The following MAST4 variants were observed in gnomAD, a reference collection of about 807,000 sequenced individuals.
The protein encoded by MAST4 is microtubule associated serine/threonine kinase family member 4, also known as microtubule-associated serine/threonine-protein kinase 4.
A neutral mutation model predicts 162.7 loss-of-function variants in MAST4; 89 were observed. That is an observed-to-expected ratio of 0.55 (90% CI 0.46 to 0.65). The LOEUF (loss-of-function observed/expected upper bound fraction) is 0.65, where lower values mean the gene tolerates loss of function less well. Ranked by LOEUF, MAST4 falls within the 30% of genes least tolerant of loss-of-function variation. MAST4 has a pLI of 0.00. For synonymous variants in MAST4, 1,479 were observed against 1,361.1 expected, an observed-to-expected ratio of 1.09 and a Z score of -1.91; for missense variants, 3,153 against 3,374.0, an observed-to-expected ratio of 0.93 and a Z score of 1.62.
chr5:67,095,707 T>G, intron 7 of MAST4, 32 bp downstream of exon 7: 1 of 1,467,442 alleles, frequency 6.8e-7, no homozygotes, highest in Non-Finnish European at 9.2e-7. Context: ...TTTTTTTCTC[T>G]TCCTCACAAC....
At chr5:66,745,744 G>T (rs1411489132) in intron 1 of MAST4, among the ~76,000 whole-genome samples, 5 of 152,214 alleles carry the variant, frequency 3.3e-5, no homozygotes, top group African/African-American at 1.2e-4. Context: ...AATGGTTGTG[G>T]TTTTGTGTCT....
At chr5:66,890,104 C>T (rs1249554145) in intron 3 of MAST4, among the ~76,000 whole-genome samples, 5 of 152,034 alleles carry the variant, frequency 3.3e-5, no homozygotes, top group African/African-American at 4.8e-5. Flanking sequence ...TTAAAAACGA[C>T]GCAGAAACTT....
intron 1 of MAST4, among the ~76,000 whole-genome samples, chr5:66,649,240 G>T (rs1746057523): frequency 6.6e-6 from 1 of 152,154 alleles, no homozygotes; most frequent in African/African-American, 2.4e-5. Flanking sequence ...TTGAGCTGTT[G>T]AGTTTTGTTA....
intron 3 of MAST4, among the ~76,000 whole-genome samples, chr5:66,883,941 A>C (rs970274462): frequency 1.3e-5 from 2 of 152,164 alleles, no homozygotes; most frequent in Non-Finnish European, 2.9e-5. Flanking sequence ...GCAAGTGTAC[A>C]AAGGGACACT....
intron 4 of MAST4, among the ~76,000 whole-genome samples, chr5:66,912,972 G>T (rs1184563868): frequency 6.6e-6 from 1 of 152,124 alleles, no homozygotes; most frequent in African/African-American, 2.4e-5. Flanking sequence ...AACCCACAGA[G>T]GAATTCAAAA....
intron 3 of MAST4, among the ~76,000 whole-genome samples, chr5:66,818,658 T>C (rs1756847900): frequency 6.6e-6 from 1 of 152,182 alleles, no homozygotes; most frequent in Admixed American, 6.5e-5. Context: ...TTTGGTTTTT[T>C]ATTTGTTTGT....
Position 67,027,537 on chromosome 5 carries a change from A to G in MAST4, c.675-26867A>G, listed in dbSNP as rs552539834. The stretch of plus-strand genomic sequence containing the variant: ...TTGATTCTAACCATAGAACTGCATC[A>G]AAGATGGCAGAGCTTCCTTCTAGTT... On this transcript the variant is annotated intron_variant, in intron 4 of 28. Coordinates refer to ENST00000403625, the MANE Select transcript of MAST4 (RefSeq NM_001164664.2). 4.5e-4 allele frequency among the ~76,000 whole-genome samples: 69 copies of G among 152,340 alleles called. No individual in the cohort carries two copies. In the South Asian group the frequency reaches 0.014, roughly 31 times the overall value.
intron 2 of MAST4, among the ~76,000 whole-genome samples, chr5:66,765,779 G>A (rs904582623): frequency 1.3e-5 from 2 of 152,012 alleles, no homozygotes; most frequent in Admixed American, 1.3e-4. Flanking sequence ...TGATTGAAAT[G>A]TTTGCATTTT....
chr5:67,112,134 G>A (rs1346260436), intron 11 of MAST4, among the ~76,000 whole-genome samples: 2 of 151,810 alleles, frequency 1.3e-5, no homozygotes, highest in Non-Finnish European at 2.9e-5. Context: ...GCCTATTTTG[G>A]GCATTAACCA....
chr5:67,016,076 G>T (rs1220473648), intron 4 of MAST4, among the ~76,000 whole-genome samples: 1 of 152,102 alleles, frequency 6.6e-6, no homozygotes, highest in Non-Finnish European at 1.5e-5. Context: ...AATCTAGTGG[G>T]CTTTAGACAG....
chr5:66,880,749 C>T (rs976242544), intron 3 of MAST4, among the ~76,000 whole-genome samples: 3 of 152,178 alleles, frequency 2.0e-5, no homozygotes, highest in African/African-American at 4.8e-5. Context: ...ACTTATTTTC[C>T]GTGATGCTTT....
chr5:66,796,106 C>A (rs1014798038), intron 3 of MAST4, among the ~76,000 whole-genome samples: 1 of 152,146 alleles, frequency 6.6e-6, no homozygotes, highest in African/African-American at 2.4e-5. Context: ...CTGAGCCCAT[C>A]CACAGAGTAG....
intron 11 of MAST4, among the ~76,000 whole-genome samples, chr5:67,113,023 A>C (rs1463402749): frequency 1.3e-5 from 2 of 152,188 alleles, no homozygotes; most frequent in Non-Finnish European, 2.9e-5. Flanking sequence ...TTCAAAAAAC[A>C]GGGATGAAGG....
At chr5:67,067,331 C>T (rs1348994753) in intron 5 of MAST4, among the ~76,000 whole-genome samples, 2 of 152,160 alleles carry the variant, frequency 1.3e-5, no homozygotes, top group African/African-American at 4.8e-5. Flanking sequence ...GTCTCAACCT[C>T]CTCATCTATC....
In MAST4 at chr5:67,031,552, A is replaced by G. The variant is rs185653847; in HGVS notation, c.675-22852A>G. The stretch of plus-strand genomic sequence containing the variant: ...GATTTGCAAAATTTTTCCCTATCAC[A>G]CTTAAAGTAGAGGTTATTTGCATTC... On this transcript the variant is annotated intron_variant, in intron 4 of 28. Coordinates refer to ENST00000403625, the MANE Select transcript of MAST4 (RefSeq NM_001164664.2). Among the ~76,000 whole-genome samples, 14 of 152,306 alleles carry G rather than the reference A, an allele frequency of 9.2e-5. No homozygotes were observed. In the East Asian group the frequency reaches 2.1e-3, roughly 23 times the overall value.
rs550295412 is a variant in MAST4, at chr5:66,912,788, T to C, written c.674+12806T>C. On this transcript the variant is annotated intron_variant, in intron 4 of 28. Transcript: ENST00000403625. ...TTGGTTGGTCATACCTTTAAGATGA[T>C]GGTGGTGATTGTCTTGGGAGGCACT... is the stretch of plus-strand genomic sequence containing the variant. Among the ~76,000 whole-genome samples the C allele has an allele frequency of 3.3e-5, 5 of 152,332 alleles. No individual in the cohort carries two copies. In the South Asian group the frequency reaches 1.0e-3, roughly 32 times the overall value.
At chr5:66,611,477 G>C (rs1321123794) in intron 1 of MAST4, among the ~76,000 whole-genome samples, 1 of 152,206 alleles carries the variant, frequency 6.6e-6, no homozygotes, top group African/African-American at 2.4e-5. Context: ...CTGCATTGTG[G>C]AGTTAGTGCA....
chr5:67,123,906 C>T (rs1205878533), intron 14 of MAST4, among the ~76,000 whole-genome samples: 3 of 151,648 alleles, frequency 2.0e-5, no homozygotes, highest in Non-Finnish European at 4.4e-5. Flanking sequence ...CTGTCTCCCA[C>T]ATGCTATCCC....
intron 1 of MAST4, among the ~76,000 whole-genome samples, chr5:66,675,801 G>T (rs1747908603): frequency 6.6e-6 from 1 of 152,168 alleles, no homozygotes; most frequent in Non-Finnish European, 1.5e-5. Flanking sequence ...ATTACATCTT[G>T]TTCTGATATT....
Sources: gnomAD v4.1 joint callset for allele counts (sites outside exome capture counted in the v4.1 genomes callset) on GRCh38, gnomAD v4.1.1 for gene constraint, MANE v1.5 for transcripts, NCBI Gene and HGNC (gene_info 2026-07-23, HGNC 2026-07-21) for gene names.